Variants in RTN4RL1 observed in about 807,000 individuals in gnomAD.
The protein encoded by RTN4RL1 is reticulon 4 receptor like 1.
A neutral mutation model predicts 25.6 loss-of-function variants in RTN4RL1; 7 were observed. The observed-to-expected ratio is 0.27, with a 90% confidence interval of 0.16 to 0.51. The LOEUF (loss-of-function observed/expected upper bound fraction) is 0.51. Ranked by LOEUF, RTN4RL1 falls within the 20% of genes least tolerant of loss-of-function variation. RTN4RL1 has a pLI of 0.97. For synonymous variants in RTN4RL1, 297 were observed against 288.2 expected, an observed-to-expected ratio of 1.03 and a Z score of -0.31; for missense variants, 500 against 615.6, an observed-to-expected ratio of 0.81 and a Z score of 1.99.
intron 1 of RTN4RL1, among the ~76,000 whole-genome samples, chr17:1,975,892 T>C (rs2066840777): frequency 6.6e-6 from 1 of 151,988 alleles, no homozygotes; most frequent in African/African-American, 2.4e-5. Flanking sequence ...AGCACAATCT[T>C]CAAAGCCCAC....
At chr17:1,956,119 C>CAATG (rs1417026559) in intron 1 of RTN4RL1, among the ~76,000 whole-genome samples, 1 of 152,038 alleles carries the variant, frequency 6.6e-6, no homozygotes, top group African/African-American at 2.4e-5. Flanking sequence ...CTACTTAAGA[C>CAATG]CATTCCATTC....
chr17:2,024,399 G>A (rs1375216006), intron 1 of RTN4RL1, among the ~76,000 whole-genome samples: 1 of 152,322 alleles, frequency 6.6e-6, no homozygotes, highest in African/African-American at 2.4e-5. Flanking sequence ...GAGCTAGGGC[G>A]CGCGGGGAGC....
intron 1 of RTN4RL1, among the ~76,000 whole-genome samples, chr17:1,992,911 T>A (rs959248194): frequency 1.3e-5 from 2 of 152,192 alleles, no homozygotes; most frequent in African/African-American, 4.8e-5. Flanking sequence ...TCTCTTTGAA[T>A]GGATGCGGCC....
At chr17:1,949,026 G>C (rs529745331) in intron 1 of RTN4RL1, among the ~76,000 whole-genome samples, 2 of 151,858 alleles carry the variant, frequency 1.3e-5, no homozygotes, top group Non-Finnish European at 2.9e-5. Context: ...GCATGATCTC[G>C]GCTCACTGCA....
chr17:2,013,011 C>G (rs144023457), intron 1 of RTN4RL1, among the ~76,000 whole-genome samples: 1,777 of 152,252 alleles, frequency 0.012, 31 homozygotes, highest in African/African-American at 0.04. Flanking sequence ...CCAGGCTAGT[C>G]TCGAACTCAT....
In RTN4RL1 at chr17:1,937,385, C is replaced by A. The variant is rs199769480; in HGVS notation, c.437G>T (p.Gly146Val). Residue 146 changes from glycine (G) to valine (V), a missense_variant, in exon 2 of 2, where the codon GGC (glycine) becomes GTC (valine). Around this residue, in one of 2 missense-constraint regions of RTN4RL1, gnomAD observed 232 missense variants for 341.1 expected, o/e 0.68. Coordinates refer to ENST00000331238, the MANE Select transcript of RTN4RL1 (RefSeq NM_178568.4). ...GLSALPAGVF[G>V]GLHSLQYLYL... ...GAGGTACTGCAGGCTGTGCAGGCCG[C>A]CAAAGACGCCGGCCGGCAAGGCGCT... is the stretch of plus-strand genomic sequence containing the variant. 1.4e-5 allele frequency: 23 copies of A among 1,613,560 alleles called. No homozygotes were observed. The highest frequency in any genetic ancestry group is 2.2e-5 in the East Asian group (1 of 44,880).
intron 1 of RTN4RL1, among the ~76,000 whole-genome samples, chr17:1,938,037 G>T (rs185379028): frequency 4.6e-5 from 7 of 152,144 alleles, no homozygotes; most frequent in Non-Finnish European, 1.0e-4. Context: ...GTGAGTCTGG[G>T]GTGAAGGCCC....
chr17:1,936,737 C>A lies in RTN4RL1; in HGVS notation c.1085G>T (p.Arg362Leu), dbSNP rs752222188. The A allele has an allele frequency of 1.9e-6, 3 of 1,595,112 alleles. No homozygotes were observed. Among genetic ancestry groups the A allele is most frequent in the South Asian group, 1.1e-5 (1 of 87,798 alleles). The change falls in exon 2 of 2, where the codon CGC becomes CTC. Residue 362 changes from arginine to leucine, a missense_variant. By Grantham distance (102) the Arg-to-Leu change is moderately radical (BLOSUM62 -2). This residue lies in a region of RTN4RL1 where 268 missense variants were observed against 274.5 expected (regional missense o/e 0.98). Coordinates refer to ENST00000331238, the MANE Select transcript of RTN4RL1 (RefSeq NM_178568.4). Reference protein sequence around the residue: ...PGKNCTNPRNRNQISKAGAGK... With the variant: ...PGKNCTNPRNLNQISKAGAGK... ...GGCGCCCGCCTTAGAGATCTGATTG[C>A]GGTTCCTGGGGTTGGTGCAGTTCTT...
rs986123257 is a variant in RTN4RL1, at chr17:1,970,241, G to A, written c.14-32433C>T. Reference sequence around the variant, plus strand: ...TGACCGTGTTGGTCATGCTGGTCTCGAACTACTGACCTCAGGTGATCCACC... The same window carrying A: ...TGACCGTGTTGGTCATGCTGGTCTCAAACTACTGACCTCAGGTGATCCACC... On this transcript the variant is annotated intron_variant, in intron 1 of 1. Coordinates refer to ENST00000331238, the MANE Select transcript of RTN4RL1 (RefSeq NM_178568.4). Among the ~76,000 whole-genome samples, 10 of 152,072 alleles carry A rather than the reference G, an allele frequency of 6.6e-5. No homozygotes were observed. In the South Asian group the frequency reaches 1.7e-3, roughly 25 times the overall value.
intron 1 of RTN4RL1, among the ~76,000 whole-genome samples, chr17:1,952,130 G>A (rs1463286391): frequency 6.6e-6 from 1 of 152,102 alleles, no homozygotes; most frequent in Non-Finnish European, 1.5e-5. Flanking sequence ...TGTTTCAAAC[G>A]ACACATGTCT....
At chr17:2,015,436 G>A (rs1161839845) in intron 1 of RTN4RL1, among the ~76,000 whole-genome samples, 1 of 152,170 alleles carries the variant, frequency 6.6e-6, no homozygotes, top group Non-Finnish European at 1.5e-5. Flanking sequence ...TGCAGCCACG[G>A]CCGTGCTGAA....
At chr17:2,011,123 T>C (rs574407825) in intron 1 of RTN4RL1, among the ~76,000 whole-genome samples, 1 of 152,004 alleles carries the variant, frequency 6.6e-6, no homozygotes, top group Non-Finnish European at 1.5e-5. Flanking sequence ...TGATGGCGCA[T>C]GCCTGTAATC....
intron 1 of RTN4RL1, among the ~76,000 whole-genome samples, chr17:1,960,585 G>A (rs1915874725): frequency 6.6e-6 from 1 of 152,100 alleles, no homozygotes; most frequent in African/African-American, 2.4e-5. Flanking sequence ...ATAACTAAAA[G>A]TTAACATTTT....
At chr17:1,941,891 C>T (rs116602703) in intron 1 of RTN4RL1, among the ~76,000 whole-genome samples, 32 of 152,328 alleles carry the variant, frequency 2.1e-4, no homozygotes, top group Non-Finnish European at 3.7e-4. Flanking sequence ...GAGGCTGGCG[C>T]AGCTTTGCCA....
At chr17:1,983,369 T>C (rs1337301891) in intron 1 of RTN4RL1, among the ~76,000 whole-genome samples, 1 of 152,050 alleles carries the variant, frequency 6.6e-6, no homozygotes, top group Non-Finnish European at 1.5e-5. Context: ...CTTCTGAGGA[T>C]ACTTGTCCAG....
chr17:2,005,836 G>A (rs1046665775), intron 1 of RTN4RL1, among the ~76,000 whole-genome samples: 5 of 141,308 alleles, frequency 3.5e-5, no homozygotes, highest in South Asian at 2.2e-4. Context: ...TCGCCGTGTC[G>A]CCCAGGCTGG....
At chr17:1,939,153 C>A (rs187111291) in intron 1 of RTN4RL1, among the ~76,000 whole-genome samples, 1 of 151,830 alleles carries the variant, frequency 6.6e-6, no homozygotes, top group Non-Finnish European at 1.5e-5. Context: ...GAGATCGAGA[C>A]CATCCTGGCT....
rs111286922 is a variant in RTN4RL1, at chr17:1,966,318, G to A, written c.14-28510C>T. ...GAGCTGTTACCTGGGGAGGCCCTGG[G>A]GCGAGGCCCCCTCTCCTGTCAGGAG... On this transcript the variant is annotated intron_variant, in intron 1 of 1. Transcript: ENST00000331238. Among the ~76,000 whole-genome samples the A allele has an allele frequency of 1.3e-3, 191 of 152,306 alleles. 1 individual carries two copies. Among genetic ancestry groups the A allele is most frequent in the African/African-American group, 4.4e-3 (181 of 41,558 alleles).
rs577086445 is a variant in RTN4RL1, at chr17:1,944,194, A to G, written c.14-6386T>C. Among the ~76,000 whole-genome samples, 579 of 151,654 alleles carry G rather than the reference A, an allele frequency of 3.8e-3. 1 individual carries two copies. Among genetic ancestry groups the G allele is most frequent in the Non-Finnish European group, 6.0e-3 (410 of 67,848 alleles). The stretch of plus-strand genomic sequence containing the variant: ...AGTGCTGGGATTACAGGCGCGAGCT[A>G]CCTCGCCCAGCCCTGGATCCTCAAC... On this transcript the variant is annotated intron_variant, in intron 1 of 1. Coordinates refer to ENST00000331238, the MANE Select transcript of RTN4RL1 (RefSeq NM_178568.4).
Sources: gnomAD v4.1 joint callset for allele counts (sites outside exome capture counted in the v4.1 genomes callset) on GRCh38, gnomAD v4.1.1 for gene constraint, gnomAD v4.1.1 regional missense constraint, MANE v1.5 for transcripts, NCBI Gene and HGNC (gene_info 2026-07-23, HGNC 2026-07-21) for gene names.